Variants in SLC16A9 observed in about 807,000 individuals in gnomAD.
SLC16A9 encodes the protein monocarboxylate transporter 9.
Under a neutral mutation model 44.3 loss-of-function variants are expected in SLC16A9, and 26 were observed. The observed-to-expected ratio is 0.59, with a 90% CI of 0.43 to 0.81. The LOEUF (loss-of-function observed/expected upper bound fraction) is 0.81. Among genes scored for constraint, SLC16A9 ranks in the 40% least tolerant of loss-of-function variants. The pLI is 0.00. For missense variants in SLC16A9, 559 were observed against 595.8 expected (o/e 0.94, Z 0.64); for synonymous variants, 230 against 225.1 (o/e 1.02, Z -0.19).
At chr10:59,662,650 A>AAG (rs1839508020) in intron 4 of SLC16A9, among the ~76,000 whole-genome samples, 2 of 145,660 alleles carry the variant, frequency 1.4e-5, no homozygotes, top group South Asian at 2.1e-4. Context: ...AAAAAAAAAA[A>AAG]AAAGAAAAGA....
chr10:59,664,440 C>T, intron 3 of SLC16A9, 118 bp from the exon 4 acceptor site: 1 of 567,722 alleles, frequency 1.8e-6, no homozygotes. Context: ...AAAACTGTTA[C>T]AAGTACAGAC....
At chr10:59,660,171 A>G (rs1455759816) in intron 4 of SLC16A9, among the ~76,000 whole-genome samples, 1 of 152,230 alleles carries the variant, frequency 6.6e-6, no homozygotes, top group Non-Finnish European at 1.5e-5. Flanking sequence ...TGAAGGAGAT[A>G]GAGACATGAA....
chr10:59,685,664 G>A (rs1234997071), intron 1 of SLC16A9, among the ~76,000 whole-genome samples: 1 of 152,166 alleles, frequency 6.6e-6, no homozygotes, highest in Non-Finnish European at 1.5e-5. Flanking sequence ...TGGCTTTAAT[G>A]GAAAACAATG....
At chr10:59,681,190 A>T (rs1839977976) in intron 2 of SLC16A9, among the ~76,000 whole-genome samples, 1 of 152,032 alleles carries the variant, frequency 6.6e-6, no homozygotes, top group Non-Finnish European at 1.5e-5. Context: ...GGTACTAATG[A>T]TCCACTTGTT....
intron 1 of SLC16A9, among the ~76,000 whole-genome samples, chr10:59,706,301 A>G (rs1840635056): frequency 6.6e-6 from 1 of 152,144 alleles, no homozygotes; most frequent in African/African-American, 2.4e-5. Flanking sequence ...CTCATCATCC[A>G]TAAGGGTTAC....
At chr10:59,654,970 A>G (rs1027661590) in intron 4 of SLC16A9, among the ~76,000 whole-genome samples, 3 of 152,170 alleles carry the variant, frequency 2.0e-5, no homozygotes, top group Non-Finnish European at 4.4e-5. Flanking sequence ...ACACTCAGTC[A>G]GTTTGAACCC....
At chr10:59,709,447 T>C (rs1840717085) in intron 1 of SLC16A9, 32 bp downstream of exon 1, 1 of 152,470 alleles carries the variant, frequency 6.6e-6, no homozygotes, top group African/African-American at 2.4e-5. Context: ...TGCCCACCTT[T>C]GGAACCCTCC....
chr10:59,690,164 G>C (rs1295179847), intron 1 of SLC16A9, among the ~76,000 whole-genome samples: 1 of 151,940 alleles, frequency 6.6e-6, no homozygotes, highest in East Asian at 1.9e-4. Context: ...CTCCACCCTG[G>C]GCAACAGATC....
intron 1 of SLC16A9, among the ~76,000 whole-genome samples, chr10:59,704,275 C>T (rs191808660): frequency 5.0e-4 from 76 of 152,298 alleles, no homozygotes; most frequent in Non-Finnish European, 1.0e-3. Context: ...TACCTCCACA[C>T]ACCTACTACC....
chr10:59,659,238 G>T (rs1441904990), intron 4 of SLC16A9, among the ~76,000 whole-genome samples: 1 of 152,114 alleles, frequency 6.6e-6, no homozygotes, highest in Admixed American at 6.6e-5. Flanking sequence ...ATTTGGATAT[G>T]CACGTAGGTC....
chr10:59,707,023 T>A (rs1235209191), intron 1 of SLC16A9, among the ~76,000 whole-genome samples: 32 of 140,628 alleles, frequency 2.3e-4, no homozygotes, highest in African/African-American at 7.9e-4. Context: ...AAAAGGGAAG[T>A]CAGCTGGGCA....
intron 4 of SLC16A9, among the ~76,000 whole-genome samples, chr10:59,659,369 C>T (rs1008346013): frequency 6.6e-6 from 1 of 152,056 alleles, no homozygotes; most frequent in Non-Finnish European, 1.5e-5. Flanking sequence ...AATTTTCGTT[C>T]CTTTTCTCCT....
intron 1 of SLC16A9, among the ~76,000 whole-genome samples, chr10:59,701,769 C>T (rs1467038278): frequency 1.3e-5 from 2 of 152,180 alleles, no homozygotes; most frequent in Non-Finnish European, 2.9e-5. Flanking sequence ...TGCTCCCTCC[C>T]TCGTCCAAGC....
At chr10:59,697,010 G>A (rs1171630) in intron 1 of SLC16A9, among the ~76,000 whole-genome samples, 3,273 of 89,008 alleles carry the variant, frequency 0.037, 295 homozygotes, top group East Asian at 0.17. Flanking sequence ...CCGGCCAGCC[G>A]CCCCGTCCGG....
intron 1 of SLC16A9, among the ~76,000 whole-genome samples, chr10:59,702,455 T>C (rs1190765970): frequency 1.3e-5 from 2 of 152,154 alleles, no homozygotes; most frequent in Non-Finnish European, 2.9e-5. Context: ...CAAGGGCAAA[T>C]CGTGGCTCAA....
At chr10:59,662,136 G>A (rs1484135399) in intron 4 of SLC16A9, among the ~76,000 whole-genome samples, 1 of 151,946 alleles carries the variant, frequency 6.6e-6, no homozygotes, top group Non-Finnish European at 1.5e-5. Flanking sequence ...TAGACAAATG[G>A]GATCTAATTA....
At chr10:59,698,449 TAG>T (rs1252101412) in intron 1 of SLC16A9, among the ~76,000 whole-genome samples, 2 of 152,206 alleles carry the variant, frequency 1.3e-5, no homozygotes, top group Non-Finnish European at 2.9e-5. Context: ...GGTCTCTGGC[TAG>T]AGAATGAGCA....
chr10:59,678,546 C>CTTTCTTTTTTTTTTTT (rs1554870853), intron 2 of SLC16A9, among the ~76,000 whole-genome samples: 1 of 30,594 alleles, frequency 3.3e-5, no homozygotes, highest in Non-Finnish European at 7.1e-5. Flanking sequence ...TTTTCTTTTT[C>CTTTCTTTTTTTTTTTT]TTTTTTTTGA....
In SLC16A9 at chr10:59,669,431, G is replaced by A. The variant is rs904025521; in HGVS notation, c.340+3339C>T. On this transcript the variant is annotated intron_variant, in intron 3 of 5. Transcript: ENST00000395348. Reference sequence around the variant, plus strand: ...ATTAACCAAAGTGATGTTTTACAATGAAATGTGTTAACATTTTTAAGTTCT... The same window carrying A: ...ATTAACCAAAGTGATGTTTTACAATAAAATGTGTTAACATTTTTAAGTTCT... Among the ~76,000 whole-genome samples the A allele has an allele frequency of 3.3e-5, 5 of 152,312 alleles. No individual in the cohort carries two copies. In the East Asian group the frequency reaches 9.6e-4, roughly 29 times the overall value.
Sources: gnomAD v4.1 joint callset for allele counts (sites outside exome capture counted in the v4.1 genomes callset) on GRCh38, gnomAD v4.1.1 for gene constraint, MANE v1.5 for transcripts, NCBI Gene and HGNC (gene_info 2026-07-23, HGNC 2026-07-21) for gene names.